The following PAFAH1B3 variants were observed in gnomAD, a reference collection of about 807,000 sequenced individuals.
PAFAH1B3 encodes the protein platelet activating factor acetylhydrolase 1b catalytic subunit 3, also known as platelet-activating factor acetylhydrolase IB subunit alpha1.
Under a neutral mutation model 24.4 loss-of-function variants are expected in PAFAH1B3, and 15 were observed. That is an observed-to-expected ratio of 0.62 (90% CI 0.41 to 0.95). PAFAH1B3 has a LOEUF of 0.95. Ranked by LOEUF, PAFAH1B3 falls within the 40% of genes least tolerant of loss-of-function variation. The pLI, the probability that PAFAH1B3 is intolerant of heterozygous loss-of-function variation, is 0.00. For synonymous variants in PAFAH1B3, 144 were observed against 126.5 expected (o/e 1.14, Z -0.93); for missense variants, 266 against 312.2 (o/e 0.85, Z 1.12).
At chr19:42,299,888 T>C (rs2147383521) in intron 4 of PAFAH1B3, 82 bp downstream of exon 4, 1 of 1,572,828 alleles carries the variant, frequency 6.4e-7, no homozygotes. Context: ...TCAAGCTGCC[T>C]AGAACTGTGC....
intron 2 of PAFAH1B3, among the ~76,000 whole-genome samples, chr19:42,301,343 A>G (rs2038622737): frequency 6.6e-6 from 1 of 152,118 alleles, no homozygotes; most frequent in Non-Finnish European, 1.5e-5. Flanking sequence ...GTTGCAGTGA[A>G]CAGAGATCAT....
At position 42,302,539 on chromosome 19, in the gene PAFAH1B3, C is replaced by T. The variant is rs945511384; in HGVS notation, c.-230G>A. 8.4e-5 allele frequency: 42 copies of T among 499,122 alleles called. No individual in the cohort carries two copies. The highest frequency in any genetic ancestry group is 1.5e-4 in the Non-Finnish European group (41 of 280,656). 30.9% of individuals were successfully genotyped at this position (499,122 alleles called of 1,614,324 possible). On this transcript the variant is annotated 5_prime_UTR_variant, in exon 1 of 5. Coordinates refer to ENST00000262890, the MANE Select transcript of PAFAH1B3 (RefSeq NM_002573.4). Reference sequence around the variant, plus strand: ...TCAGGAACCTTCGCTTCCCCCACGACGGCCGCACAGTGGGCTCGCCCGGCG... The same window carrying T: ...TCAGGAACCTTCGCTTCCCCCACGATGGCCGCACAGTGGGCTCGCCCGGCG...
At chr19:42,302,179 G>T in intron 1 of PAFAH1B3, 53 bp downstream of exon 1, 1 of 1,529,118 alleles carries the variant, frequency 6.5e-7, no homozygotes. Flanking sequence ...CCGTTCTCCT[G>T]AGCCACCCCC....
chr19:42,300,368 G>A, intron 2 of PAFAH1B3, 81 bp from the exon 3 acceptor site: 3 of 1,216,822 alleles, frequency 2.5e-6, no homozygotes, highest in South Asian at 1.2e-5. Context: ...CTCTGTCCAG[G>A]TGTTAACCAA....
rs143760547 is a variant in PAFAH1B3, at chr19:42,297,305, C to T, written c.469G>A (p.Glu157Lys). ...CCAGCCAGTGCCGCCCGTACCAGCTCGTTCACCTGTCGGTTCTTCTCCCGA... is the reference window on the plus strand; with the variant it reads ...CCAGCCAGTGCCGCCCGTACCAGCTTGTTCACCTGTCGGTTCTTCTCCCGA... ...PLREKNRQVN[E>K]LVRAALAGHP... is the part of the protein sequence containing the mutation. Residue 157 changes from glutamate to lysine, a missense_variant, in exon 5 of 5, where the codon GAG becomes AAG. Glu to Lys is a moderately conservative substitution (Grantham distance 56). Transcript: ENST00000262890. The T allele has an allele frequency of 4.9e-5, 79 of 1,613,802 alleles. No homozygotes were observed. The highest frequency in any genetic ancestry group is 6.7e-5 in the African/African-American group (5 of 75,040).
Position 42,302,444 on chromosome 19 carries a change from G to A in PAFAH1B3, c.-135C>T. ...GTCCCAACGCTAGCACACCCGCGGA[G>A]GACGAAGGCCGATACAGGGCGCCGC... On this transcript the variant is annotated 5_prime_UTR_variant, in exon 1 of 5. Transcript: ENST00000262890. 1.3e-6 allele frequency: 1 copy of A among 755,202 alleles called. No homozygotes were observed. The allele number at this position is 755,202 out of a possible 1,614,324, so 46.8% of individuals were successfully genotyped here.
In PAFAH1B3 at chr19:42,297,190, T is replaced by G. The variant is rs2038537694; in HGVS notation, c.584A>C (p.His195Pro). 1 of 1,614,036 alleles carries G rather than the reference T, an allele frequency of 6.2e-7. No individual in the cohort carries two copies. Among genetic ancestry groups the G allele is most frequent in the African/African-American group, 1.3e-5 (1 of 74,926 alleles). The change falls in exon 5 of 5, where the codon CAT becomes CCT. Residue 195 changes from histidine (H) to proline (P), a missense_variant. Transcript: ENST00000262890. ...ISHHDMYDYL[H>P]LSRLGYTPVC... ...AGGTGTGTAGCCCAGGCGGCTCAGA[T>G]GCAGGTAATCATACATGTCATGATG...
chr19:42,300,347 G>A (rs2038600609), intron 2 of PAFAH1B3, 60 bp from the exon 3 acceptor site: 1 of 1,360,982 alleles, frequency 7.3e-7, no homozygotes, highest in African/African-American at 1.4e-5. Flanking sequence ...CTGTCCGCAT[G>A]GACCATCCCC....
In PAFAH1B3 at chr19:42,300,004, T is replaced by A; in HGVS notation, c.374A>T (p.Asn125Ile). 6.2e-7 allele frequency: 1 copy of A among 1,614,206 alleles called. No homozygotes were observed. Among genetic ancestry groups the A allele is most frequent in the Non-Finnish European group, 8.5e-7 (1 of 1,180,036 alleles). Residue 125 changes from asparagine to isoleucine, a missense_variant, in exon 4 of 5, where the codon AAT becomes ATT. Coordinates refer to ENST00000262890, the MANE Select transcript of PAFAH1B3 (RefSeq NM_002573.4). ...GGIKAIVQLV[N>I]ERQPQARVVV... is the part of the protein sequence containing the mutation. ...AACCCGGGCCTGGGGCTGTCGCTCATTCACCAGTTGCACAATGGCCTTGAT... is the reference window on the plus strand; with the variant it reads ...AACCCGGGCCTGGGGCTGTCGCTCAATCACCAGTTGCACAATGGCCTTGAT...
chr19:42,298,299 C>T (rs1296374433), intron 4 of PAFAH1B3, among the ~76,000 whole-genome samples: 4 of 152,088 alleles, frequency 2.6e-5, no homozygotes, highest in Admixed American at 1.3e-4. Flanking sequence ...GAGGCCAGCC[C>T]GGCCAACATG....
At chr19:42,300,873 A>G (rs550050787) in intron 2 of PAFAH1B3, among the ~76,000 whole-genome samples, 4 of 152,060 alleles carry the variant, frequency 2.6e-5, no homozygotes, top group Non-Finnish European at 5.9e-5. Flanking sequence ...GGAGTGCAGT[A>G]GTGCGATCTC....
At chr19:42,299,575 G>A (rs571318010) in intron 4 of PAFAH1B3, among the ~76,000 whole-genome samples, 2 of 152,060 alleles carry the variant, frequency 1.3e-5, no homozygotes, top group South Asian at 2.1e-4. Flanking sequence ...ACAGGTGCCC[G>A]CCACCACGCC....
chr19:42,302,415 G>C lies in PAFAH1B3; in HGVS notation c.-106C>G. ...ACTCCTACCCCTCGCGGCAACAAAGGACCGTCCCAACGCTAGCACACCCGC... is the reference window on the plus strand; with the variant it reads ...ACTCCTACCCCTCGCGGCAACAAAGCACCGTCCCAACGCTAGCACACCCGC... On this transcript the variant is annotated 5_prime_UTR_variant, in exon 1 of 5. Transcript: ENST00000262890. 3.8e-6 allele frequency: 4 copies of C among 1,050,732 alleles called. No individual in the cohort carries two copies. Among genetic ancestry groups the C allele is most frequent in the Non-Finnish European group, 5.5e-6 (4 of 729,874 alleles). The allele number at this position is 1,050,732 out of a possible 1,614,324, so 65.1% of individuals were successfully genotyped here.
rs775400976 is a variant in PAFAH1B3, at chr19:42,300,285, G to A, written c.171C>T (p.Ile57=). ...GCAGAGGAGAGAAGAGCTCGCGCCA[G>A]ATCTGTGGGCAAGAAGTGGTGTGGG... ...SLVQLMHQCE[I]WRELFSPLHA... The change falls in exon 3 of 5, where the codon ATC becomes ATT. Residue 57 remains isoleucine, a splice_region_variant and synonymous_variant. Transcript: ENST00000262890. 6.2e-7 allele frequency: 1 copy of A among 1,614,036 alleles called. No individual in the cohort carries two copies. The highest frequency in any genetic ancestry group is 1.7e-5 in the Admixed American group (1 of 60,030).
rs1436936975 is a variant in PAFAH1B3 at position 42,297,187 on chromosome 19, A to G, written c.587T>C (p.Leu196Pro). ...SHHDMYDYLH[L>P]SRLGYTPVCR... ...AACAGGTGTGTAGCCCAGGCGGCTC[A>G]GATGCAGGTAATCATACATGTCATG... is the stretch of plus-strand genomic sequence containing the variant. The change falls in exon 5 of 5, where the codon CTG (leucine) becomes CCG (proline). Residue 196 changes from leucine to proline, a missense_variant. Transcript: ENST00000262890. The G allele has an allele frequency of 1.2e-6, 2 of 1,614,170 alleles. No individual in the cohort carries two copies. Among genetic ancestry groups the G allele is most frequent in the Non-Finnish European group, 1.7e-6 (2 of 1,180,026 alleles).
rs2038651753 is a variant in PAFAH1B3, at chr19:42,302,471, T to C, written c.-162A>G. ...ACGAAGGCCGATACAGGGCGCCGCC[T>C]CCTCTCCAGGGACGGAAGCCTTCAC... On this transcript the variant is annotated 5_prime_UTR_variant, in exon 1 of 5. Coordinates refer to ENST00000262890, the MANE Select transcript of PAFAH1B3 (RefSeq NM_002573.4). The C allele has an allele frequency of 4.9e-6, 3 of 618,442 alleles. No homozygotes were observed. The highest frequency in any genetic ancestry group is 8.4e-6 in the Non-Finnish European group (3 of 359,024). 38.3% of individuals were successfully genotyped at this position (618,442 alleles called of 1,614,324 possible). A position where few individuals can be genotyped will look rare whatever the true frequency, so the allele number is the denominator to read the frequency against.
rs1762976793 is a variant in PAFAH1B3, at chr19:42,299,969, C to G, written c.408+1G>C. On this transcript the variant is annotated splice_donor_variant, in intron 4 of 4. Coordinates refer to ENST00000262890, the MANE Select transcript of PAFAH1B3 (RefSeq NM_002573.4). LOFTEE classifies it high-confidence loss of function. ...CCTTTCCCACTCTCCCAGCCTCTCA[C>G]CAGCACCACAACCCGGGCCTGGGGC... 2.2e-5 allele frequency: 36 copies of G among 1,614,028 alleles called. No individual in the cohort carries two copies. Among genetic ancestry groups the G allele is most frequent in the Non-Finnish European group, 3.1e-5 (36 of 1,180,024 alleles).
rs766173888 is a variant in PAFAH1B3 at position 42,297,145 on chromosome 19, G to C, written c.629C>G (p.Ser210Cys). Residue 210 changes from serine (S) to cysteine (C), a missense_variant, in exon 5 of 5, where the codon TCC becomes TGC. Physicochemically the swap from Ser to Cys is moderately radical, Grantham distance 112. Transcript: ENST00000262890. ...TTGGGCCAGCAGACGCAGAAGCAGG[G>C]AGTGCAGAGCCCGGCAAACAGGTGT... The part of the protein sequence containing the change: ...GYTPVCRALH[S>C]LLLRLLAQDQ... The C allele has an allele frequency of 1.9e-6, 3 of 1,613,544 alleles. No individual in the cohort carries two copies. The highest frequency in any genetic ancestry group is 2.5e-6 in the Non-Finnish European group (3 of 1,179,504).
At chr19:42,299,858 C>G in intron 4 of PAFAH1B3, 112 bp downstream of exon 4, 1 of 1,383,458 alleles carries the variant, frequency 7.2e-7, no homozygotes, top group Non-Finnish European at 1.0e-6. Flanking sequence ...GAGATTCTGC[C>G]TAAAAGCCAC....
Sources: allele counts gnomAD v4.1 joint callset (sites outside exome capture counted in the v4.1 genomes callset), GRCh38; gene constraint gnomAD v4.1.1; transcripts MANE v1.5; gene names NCBI Gene and HGNC (gene_info 2026-07-23, HGNC 2026-07-21).